Variants in AGBL4 observed in about 807,000 individuals in gnomAD.
AGBL4 encodes cytosolic carboxypeptidase 6.
Under a neutral mutation model 66.4 loss-of-function variants are expected in AGBL4, and 58 were observed. The ratio of observed to expected loss-of-function variants is 0.87; its 90% CI spans 0.71 to 1.09. The LOEUF is 1.09. AGBL4 is among the 50% of genes least tolerant of loss of function. AGBL4 has a pLI of 0.00. For missense variants in AGBL4, 579 were observed against 631.0 expected, an observed-to-expected ratio of 0.92 and a Z score of 0.88; for synonymous variants, 234 against 222.9, an observed-to-expected ratio of 1.05 and a Z score of -0.44.
At chr1:49,451,127 T>A (rs1646269922) in intron 3 of AGBL4, among the ~76,000 whole-genome samples, 1 of 152,044 alleles carries the variant, frequency 6.6e-6, no homozygotes, top group Non-Finnish European at 1.5e-5. Flanking sequence ...TTCCTTACTG[T>A]TTGCCAGATA....
chr1:49,361,813 G>T (rs1644142167), intron 3 of AGBL4, among the ~76,000 whole-genome samples: 1 of 151,726 alleles, frequency 6.6e-6, no homozygotes, highest in Non-Finnish European at 1.5e-5. Flanking sequence ...TGTTCCTTTA[G>T]CTGATTGTAC....
chr1:49,805,402 C>A (rs1482390904), intron 2 of AGBL4, among the ~76,000 whole-genome samples: 1 of 152,030 alleles, frequency 6.6e-6, no homozygotes, highest in Non-Finnish European at 1.5e-5. Flanking sequence ...CCAGACAACT[C>A]TATAAATATT....
chr1:49,583,274 T>A (rs1308294779), intron 3 of AGBL4, among the ~76,000 whole-genome samples: 2 of 152,086 alleles, frequency 1.3e-5, no homozygotes, highest in African/African-American at 4.8e-5. Context: ...ACTAAGAGGG[T>A]GGCACACTCC....
chr1:49,530,590 A>G (rs1361558942), intron 3 of AGBL4, among the ~76,000 whole-genome samples: 1 of 152,000 alleles, frequency 6.6e-6, no homozygotes, highest in Non-Finnish European at 1.5e-5. Flanking sequence ...ATCACATGGT[A>G]TTTTGGGATT....
chr1:49,034,319 A>G (rs1664466531), intron 5 of AGBL4, among the ~76,000 whole-genome samples: 1 of 152,146 alleles, frequency 6.6e-6, no homozygotes, highest in South Asian at 2.1e-4. Context: ...ATTAATTTGG[A>G]GGAAAGTAAA....
chr1:48,670,379 T>C (rs1234320317), intron 6 of AGBL4, among the ~76,000 whole-genome samples: 1 of 152,144 alleles, frequency 6.6e-6, no homozygotes, highest in Non-Finnish European at 1.5e-5. Context: ...TCCAGGCAGG[T>C]AGCAGCCTCC....
At chr1:49,336,680 A>G (rs914427585) in intron 3 of AGBL4, among the ~76,000 whole-genome samples, 3 of 152,318 alleles carry the variant, frequency 2.0e-5, no homozygotes, top group East Asian at 3.9e-4. Context: ...TGATCACCCA[A>G]TCTAAAGAAG....
chr1:48,992,893 G>A (rs1660719067), intron 5 of AGBL4, among the ~76,000 whole-genome samples: 1 of 152,118 alleles, frequency 6.6e-6, no homozygotes. Context: ...GCTCCTCTCT[G>A]GCCCAGGGCA....
At chr1:49,853,357 CT>C (rs1208610736) in intron 1 of AGBL4, among the ~76,000 whole-genome samples, 2 of 151,934 alleles carry the variant, frequency 1.3e-5, no homozygotes, top group African/African-American at 4.8e-5. Context: ...TGAAGAATGC[CT>C]TTAATGCATT....
intron 1 of AGBL4, among the ~76,000 whole-genome samples, chr1:50,016,013 A>G (rs1661951318): frequency 2.0e-5 from 3 of 152,198 alleles, no homozygotes. Context: ...AAAAACTAAA[A>G]CTGTAAAAAC....
At chr1:49,772,359 T>C (rs556843716) in intron 2 of AGBL4, among the ~76,000 whole-genome samples, 1 of 152,298 alleles carries the variant, frequency 6.6e-6, no homozygotes, top group East Asian at 1.9e-4. Context: ...TTGATGTTTT[T>C]GACCTTTGTA....
At chr1:48,821,602 A>G (rs1482510860) in intron 6 of AGBL4, among the ~76,000 whole-genome samples, 1 of 152,120 alleles carries the variant, frequency 6.6e-6, no homozygotes, top group Non-Finnish European at 1.5e-5. Context: ...AAGCTGCGAG[A>G]GTGGGAGGAG....
At chr1:49,533,393 C>A (rs1261955202) in intron 3 of AGBL4, among the ~76,000 whole-genome samples, 2 of 152,130 alleles carry the variant, frequency 1.3e-5, no homozygotes, top group Non-Finnish European at 2.9e-5. Context: ...AAATTCTTCA[C>A]CTCAAGTCAA....
rs570148446 is a variant in AGBL4 at position 49,845,139 on chromosome 1, G to A, written c.157+6257C>T. ...CAGCACTTACCCAACACCACCGTAC[G>A]CATACAGGACAGAGACCTTATGAAT... On this transcript the variant is annotated intron_variant, in intron 2 of 13. Coordinates refer to ENST00000371839, the MANE Select transcript of AGBL4 (RefSeq NM_032785.4). 2.8e-5 allele frequency: 39 copies of A among 1,396,580 alleles called. 1 individual carries two copies. The East Asian group carries it at 3.2e-4, about 11-fold the overall frequency. 86.5% of individuals were successfully genotyped at this position (1,396,580 alleles called of 1,614,324 possible). A position where few individuals can be genotyped will look rare whatever the true frequency, so the allele number is the denominator to read the frequency against.
intron 3 of AGBL4, among the ~76,000 whole-genome samples, chr1:49,271,163 T>G (rs1036469397): frequency 6.6e-6 from 1 of 152,174 alleles, no homozygotes; most frequent in Non-Finnish European, 1.5e-5. Flanking sequence ...TATTTATTAA[T>G]CCTGTCCTTC....
intron 6 of AGBL4, among the ~76,000 whole-genome samples, chr1:48,688,075 C>G (rs1157546676): frequency 6.6e-6 from 1 of 151,942 alleles, no homozygotes; most frequent in Non-Finnish European, 1.5e-5. Context: ...AAACCTAGAA[C>G]AGTAGGTATT....
At chr1:49,398,144 G>A (rs1645009037) in intron 3 of AGBL4, among the ~76,000 whole-genome samples, 1 of 152,194 alleles carries the variant, frequency 6.6e-6, no homozygotes, top group East Asian at 1.9e-4. Flanking sequence ...TTGCCCATAT[G>A]GCTAGTAAAA....
At chr1:49,336,016 A>G (rs1483613508) in intron 3 of AGBL4, among the ~76,000 whole-genome samples, 1 of 151,968 alleles carries the variant, frequency 6.6e-6, no homozygotes, top group Non-Finnish European at 1.5e-5. Context: ...TATATGATAT[A>G]TACAATATTT....
intron 4 of AGBL4, among the ~76,000 whole-genome samples, chr1:49,223,045 G>C (rs1310637724): frequency 6.6e-6 from 1 of 152,120 alleles, no homozygotes; most frequent in Non-Finnish European, 1.5e-5. Context: ...GGATCTAGTA[G>C]TCACATTTGG....
Sources: gnomAD v4.1 joint callset for allele counts (sites outside exome capture counted in the v4.1 genomes callset) on GRCh38, gnomAD v4.1.1 for gene constraint, MANE v1.5 for transcripts, NCBI Gene and HGNC (gene_info 2026-07-23, HGNC 2026-07-21) for gene names.